Variants in SLCO3A1 observed in about 807,000 individuals in gnomAD.
SLCO3A1 encodes solute carrier organic anion transporter family member 3A1.
Under a neutral mutation model 63.1 loss-of-function variants are expected in SLCO3A1, and 27 were observed. The ratio of observed to expected loss-of-function variants is 0.43; its 90% CI spans 0.32 to 0.59. The LOEUF is 0.59. SLCO3A1 is among the 20% of genes least tolerant of loss of function. The pLI is 0.09. For missense variants in SLCO3A1, 773 were observed against 945.8 expected (o/e 0.82, Z 2.40); for synonymous variants, 473 against 409.9 (o/e 1.15, Z -1.86).
intron 2 of SLCO3A1, among the ~76,000 whole-genome samples, chr15:91,966,550 AG>A (rs1246063694): frequency 2.0e-5 from 3 of 152,168 alleles, no homozygotes; most frequent in Non-Finnish European, 4.4e-5. Flanking sequence ...TGAACATTTC[AG>A]GATATGATCC....
At chr15:92,035,838 T>A (rs1413057152) in intron 2 of SLCO3A1, among the ~76,000 whole-genome samples, 1 of 151,808 alleles carries the variant, frequency 6.6e-6, no homozygotes, top group Admixed American at 6.6e-5. Context: ...CTGTGGCTTA[T>A]AAAGCCTGGT....
At chr15:92,061,513 T>G (rs773897960) in intron 2 of SLCO3A1, among the ~76,000 whole-genome samples, 6 of 152,220 alleles carry the variant, frequency 3.9e-5, no homozygotes, top group Admixed American at 6.5e-5. Flanking sequence ...CAAGCGTTTG[T>G]TCACTGAATC....
chr15:91,938,415 G>C (rs1899492375), intron 2 of SLCO3A1, among the ~76,000 whole-genome samples: 1 of 151,890 alleles, frequency 6.6e-6, no homozygotes, highest in African/African-American at 2.4e-5. Context: ...CTCAGCAGCT[G>C]TGTGTAGGAT....
intron 2 of SLCO3A1, among the ~76,000 whole-genome samples, chr15:91,920,999 G>A: frequency 6.6e-6 from 1 of 152,178 alleles, no homozygotes; most frequent in Non-Finnish European, 1.5e-5. Context: ...CCAGATGAAT[G>A]GGGGATGTGG....
At chr15:92,006,144 T>C (rs1427928704) in intron 2 of SLCO3A1, among the ~76,000 whole-genome samples, 1 of 152,086 alleles carries the variant, frequency 6.6e-6, no homozygotes, top group Non-Finnish European at 1.5e-5. Flanking sequence ...TCAGAAAATA[T>C]TAAATTCAGA....
intron 2 of SLCO3A1, among the ~76,000 whole-genome samples, chr15:91,996,627 G>A (rs1206863593): frequency 6.6e-6 from 1 of 152,074 alleles, no homozygotes; most frequent in Non-Finnish European, 1.5e-5. Flanking sequence ...AATACATGTG[G>A]TATTGGCACA....
intron 5 of SLCO3A1, among the ~76,000 whole-genome samples, chr15:92,124,382 G>T (rs985530130): frequency 5.3e-5 from 8 of 152,158 alleles, no homozygotes; most frequent in African/African-American, 1.7e-4. Flanking sequence ...GCCTGTGATT[G>T]CCATGGTTAC....
intron 3 of SLCO3A1, chr15:92,098,060 G>A (rs1378499479): frequency 6.6e-6 from 1 of 152,368 alleles, no homozygotes; most frequent in Admixed American, 6.5e-5. Flanking sequence ...ACTGAGATTG[G>A]GGTCCAGGAA....
At chr15:92,065,142 G>T (rs1018348772) in intron 2 of SLCO3A1, among the ~76,000 whole-genome samples, 16 of 152,270 alleles carry the variant, frequency 1.1e-4, no homozygotes, top group African/African-American at 3.9e-4. Context: ...GAGTTCAGTG[G>T]CACGATCTCA....
intron 2 of SLCO3A1, among the ~76,000 whole-genome samples, chr15:91,937,001 C>T (rs1385853966): frequency 6.6e-6 from 1 of 152,176 alleles, no homozygotes; most frequent in East Asian, 1.9e-4. Flanking sequence ...CCCCCTGAAT[C>T]TGCAAAGAGG....
Position 91,885,122 on chromosome 15 carries a change from G to A in SLCO3A1, c.181-30871G>A, listed in dbSNP as rs1377491223. Among the ~76,000 whole-genome samples, 2 of 152,180 alleles carry A rather than the reference G, an allele frequency of 1.3e-5. No homozygotes were observed. The highest frequency in any genetic ancestry group is 4.8e-5 in the African/African-American group (2 of 41,446). Reference sequence around the variant, plus strand: ...GAAAGGAGGTGATGGGGGTGGTGCTGAGCCTGCCCGCCTGCTCTGCGTCAC... The same window carrying A: ...GAAAGGAGGTGATGGGGGTGGTGCTAAGCCTGCCCGCCTGCTCTGCGTCAC... On this transcript the variant is annotated intron_variant, in intron 1 of 9. Transcript: ENST00000318445. This position sits in a 1 kb window ranked among gnomAD's most constrained non-coding sequence, Gnocchi z 4.7.
chr15:92,166,403 C>T (rs551110303), downstream of SLCO3A1, among the ~76,000 whole-genome samples: 6 of 152,336 alleles, frequency 3.9e-5, no homozygotes, highest in South Asian at 4.1e-4. Context: ...CAGGAGGGAG[C>T]GTGCCCCTCC....
chr15:91,965,175 G>C (rs953519944), intron 2 of SLCO3A1, among the ~76,000 whole-genome samples: 1 of 152,122 alleles, frequency 6.6e-6, no homozygotes, highest in African/African-American at 2.4e-5. Context: ...CTAGAGAACA[G>C]GAGAATTGGA....
At chr15:92,028,131 G>A (rs1204021086) in intron 2 of SLCO3A1, among the ~76,000 whole-genome samples, 1 of 152,206 alleles carries the variant, frequency 6.6e-6, no homozygotes, top group Non-Finnish European at 1.5e-5. Context: ...ACAAAGACCA[G>A]AGTCTCTTGT....
At chr15:92,145,759 T>C (rs1221831285) in intron 7 of SLCO3A1, among the ~76,000 whole-genome samples, 1 of 152,170 alleles carries the variant, frequency 6.6e-6, no homozygotes, top group Non-Finnish European at 1.5e-5. Context: ...AACTGAACCA[T>C]TTTCACAAAG....
chr15:92,120,777 T>A, intron 5 of SLCO3A1, 148 bp downstream of exon 5: 1 of 639,658 alleles, frequency 1.6e-6, no homozygotes, highest in Non-Finnish European at 2.7e-6. Context: ...CACAAGGAAT[T>A]TAAAGTATAT....
At position 91,853,768 on chromosome 15, in the gene SLCO3A1, A is replaced by T; in HGVS notation, c.-141A>T. On this transcript the variant is annotated 5_prime_UTR_variant, in exon 1 of 10. Coordinates refer to ENST00000318445, the MANE Select transcript of SLCO3A1 (RefSeq NM_013272.4). ...TGCCTTCCACCTCTCCAGCCCCGGC[A>T]GGACGGGGGCGGCCGCCGCGAACCC... 2.6e-6 allele frequency: 2 copies of T among 782,120 alleles called. No homozygotes were observed. The highest frequency in any genetic ancestry group is 3.2e-6 in the Non-Finnish European group (2 of 631,838). The allele number at this position is 782,120 out of a possible 1,614,324, so 48.4% of individuals were successfully genotyped here.
intron 1 of SLCO3A1, among the ~76,000 whole-genome samples, chr15:91,881,085 C>G (rs1247480718): frequency 6.6e-6 from 1 of 152,156 alleles, no homozygotes; most frequent in African/African-American, 2.4e-5. Flanking sequence ...ATCTGCATTT[C>G]TCTTACAAGA....
chr15:92,006,356 G>A (rs1030018723), intron 2 of SLCO3A1, among the ~76,000 whole-genome samples: 12 of 152,202 alleles, frequency 7.9e-5, no homozygotes, highest in African/African-American at 2.9e-4. Context: ...ATGAGCGCCA[G>A]ATTGACCTTT....
Sources: allele counts gnomAD v4.1 joint callset (sites outside exome capture counted in the v4.1 genomes callset), GRCh38; gene constraint gnomAD v4.1.1; non-coding constraint Gnocchi (gnomAD v3.1); transcripts MANE v1.5; gene names NCBI Gene and HGNC (gene_info 2026-07-23, HGNC 2026-07-21).